Variants in TENM2 observed in about 807,000 individuals in gnomAD.
The protein encoded by TENM2 is teneurin-2.
Under a neutral mutation model 245.2 loss-of-function variants are expected in TENM2, and 52 were observed. That is an observed-to-expected ratio of 0.21 (90% CI 0.17 to 0.27). The LOEUF is 0.27. Ranked by LOEUF, TENM2 falls within the 10% of genes least tolerant of loss-of-function variation. The probability of loss-of-function intolerance (pLI) is 1.00; values close to 1 mark genes in which losing one functional copy is unlikely to be tolerated. For synonymous variants in TENM2, 1,363 were observed against 1,438.9 expected (o/e 0.95, Z 1.19); for missense variants, 3,046 against 3,666.8 (o/e 0.83, Z 4.37).
chr5:167,481,273 C>T (rs1458202821), intron 2 of TENM2, among the ~76,000 whole-genome samples: 1 of 152,166 alleles, frequency 6.6e-6, no homozygotes, highest in Non-Finnish European at 1.5e-5. Flanking sequence ...TGGCCTGCTG[C>T]CTGTTCCTGT....
intron 3 of TENM2, among the ~76,000 whole-genome samples, chr5:167,934,357 C>T (rs1041733883): frequency 2.2e-4 from 33 of 152,214 alleles, no homozygotes; most frequent in African/African-American, 8.0e-4. Context: ...TAAGACATCC[C>T]TCCTCCTAGA....
chr5:168,010,003 T>C (rs1244671556), intron 5 of TENM2, among the ~76,000 whole-genome samples: 1 of 152,206 alleles, frequency 6.6e-6, no homozygotes, highest in African/African-American at 2.4e-5. Flanking sequence ...AATACCGTGA[T>C]ACTGTGATGA....
At chr5:167,990,387 C>T (rs1450467021) in intron 4 of TENM2, among the ~76,000 whole-genome samples, 4 of 152,066 alleles carry the variant, frequency 2.6e-5, no homozygotes, top group Non-Finnish European at 4.4e-5. Context: ...TGGGACACAC[C>T]TTGGTTAAGT....
the TENM2 span, among the ~76,000 whole-genome samples, chr5:167,161,629 T>G: frequency 2.6e-5 from 4 of 152,238 alleles, no homozygotes; most frequent in African/African-American, 9.6e-5. Flanking sequence ...CGCTTCAGTA[T>G]GCATTAAAAA....
chr5:167,972,872 A>G (rs568252676), intron 4 of TENM2, among the ~76,000 whole-genome samples: 22 of 152,326 alleles, frequency 1.4e-4, no homozygotes, highest in African/African-American at 5.3e-4. Flanking sequence ...AGTATGAGAA[A>G]CAGACATAGC....
chr5:167,276,775 G>C, the TENM2 span, among the ~76,000 whole-genome samples: 1 of 151,952 alleles, frequency 6.6e-6, no homozygotes, highest in Non-Finnish European at 1.5e-5. Context: ...TTGTTATACT[G>C]TATTGATTTT....
rs879494722 is a variant in TENM2, at chr5:168,238,304, A to AAAAG, written c.5521-6115_5521-6114insAAGA. Among the ~76,000 whole-genome samples the AAAAG allele has an allele frequency of 3.9e-3, 421 of 107,372 alleles. 9 individuals carry two copies. Among genetic ancestry groups the AAAAG allele is most frequent in the African/African-American group, 7.0e-3 (174 of 24,818 alleles). The allele number at this position is 107,372 out of a possible 152,430, so 70.4% of individuals were successfully genotyped here. A position where few individuals can be genotyped will look rare whatever the true frequency, so the allele number is the denominator to read the frequency against. On this transcript the variant is annotated intron_variant, in intron 25 of 28. Coordinates refer to ENST00000518659, the Ensembl canonical transcript of TENM2. ...GAAAAGAAAAGAAAAGAAAAGAAAAAATCCCAGAAGACTGACCCGGAAAGA... is the reference window on the plus strand; with the variant it reads ...GAAAAGAAAAGAAAAGAAAAGAAAAAAAAGATCCCAGAAGACTGACCCGGAAAGA...
In TENM2 at chr5:167,350,927, TGGATATATATATG is replaced by T. The variant is rs1177784865; in HGVS notation, c.227-24261_227-24249del. 2.5e-5 allele frequency among the ~76,000 whole-genome samples: 2 copies of T among 80,004 alleles called. 1 individual carries two copies. Among genetic ancestry groups the T allele is most frequent in the Non-Finnish European group, 5.5e-5 (2 of 36,580 alleles). The allele number at this position is 80,004 out of a possible 152,430, so 52.5% of individuals were successfully genotyped here. On this transcript the variant is annotated intron_variant, in intron 1 of 28. Transcript: ENST00000518659. ...GATATATATATGGGATATATACATA[TGGATATATATATG>T]GGATATATACATATGGATATATATA...
intron 3 of TENM2, among the ~76,000 whole-genome samples, chr5:167,904,673 CCTGTGTCTGT>C (rs1274207645): frequency 1.3e-5 from 2 of 152,074 alleles, no homozygotes; most frequent in Admixed American, 1.3e-4. Flanking sequence ...CTCATTTCCC[CCTGTGTCTGT>C]CTTGTATTCA....
intron 7 of TENM2, among the ~76,000 whole-genome samples, chr5:168,077,229 G>A (rs1338469190): frequency 6.6e-6 from 1 of 152,086 alleles, no homozygotes; most frequent in Non-Finnish European, 1.5e-5. Context: ...ATTTCCAAAA[G>A]GCATTTCCTG....
At chr5:167,681,750 C>T (rs1313210227) in intron 2 of TENM2, among the ~76,000 whole-genome samples, 1 of 152,110 alleles carries the variant, frequency 6.6e-6, no homozygotes, top group Non-Finnish European at 1.5e-5. Context: ...TGTTATCCCA[C>T]CATTAGTGTA....
chr5:168,157,479 A>C (rs906994763), intron 12 of TENM2, among the ~76,000 whole-genome samples: 1 of 152,102 alleles, frequency 6.6e-6, no homozygotes, highest in Non-Finnish European at 1.5e-5. Context: ...TGGACCAAAG[A>C]TGAGGGTGGC....
chr5:167,318,334 TGAG>T lies in TENM2; in HGVS notation c.226+33275_226+33277del, dbSNP rs367727468. Among the ~76,000 whole-genome samples, 577 of 152,042 alleles carry T rather than the reference TGAG, an allele frequency of 3.8e-3. 3 individuals carry two copies. Among genetic ancestry groups the T allele is most frequent in the African/African-American group, 0.012 (504 of 41,474 alleles). On this transcript the variant is annotated intron_variant, in intron 1 of 28. Transcript: ENST00000518659. Reference sequence around the variant, plus strand: ...TTAAATATGATTCATGTTAGAAAAATGAGGAGCACAGTGCACTAGACATACAAG... The same window carrying T: ...TTAAATATGATTCATGTTAGAAAAATGAGCACAGTGCACTAGACATACAAG...
chr5:167,451,656 T>C (rs1765591050), intron 2 of TENM2, among the ~76,000 whole-genome samples: 1 of 152,052 alleles, frequency 6.6e-6, no homozygotes, highest in South Asian at 2.1e-4. Context: ...CTGATTTTTT[T>C]TTTTTTTCTT....
At chr5:168,047,121 A>T (rs1260422002) in intron 5 of TENM2, among the ~76,000 whole-genome samples, 1 of 152,172 alleles carries the variant, frequency 6.6e-6, no homozygotes, top group African/African-American at 2.4e-5. Context: ...GTGATTCGAA[A>T]GGGCCATTTT....
intron 2 of TENM2, among the ~76,000 whole-genome samples, chr5:167,594,427 G>A (rs1776067281): frequency 6.6e-6 from 1 of 152,150 alleles, no homozygotes; most frequent in African/African-American, 2.4e-5. Flanking sequence ...AGCTGAATAT[G>A]GCTCTAGAAA....
At chr5:167,312,981 C>A (rs978359945) in intron 1 of TENM2, among the ~76,000 whole-genome samples, 4 of 150,906 alleles carry the variant, frequency 2.7e-5, no homozygotes, top group Admixed American at 1.3e-4. Flanking sequence ...CAGCTCACTG[C>A]AACCTCTGCT....
chr5:167,823,563 C>T (rs1039583679), intron 2 of TENM2, among the ~76,000 whole-genome samples: 1 of 152,142 alleles, frequency 6.6e-6, no homozygotes, highest in Admixed American at 6.5e-5. Flanking sequence ...TTTGTGATGA[C>T]AGGAGTGCGA....
At chr5:167,662,636 T>C (rs138381327) in intron 2 of TENM2, among the ~76,000 whole-genome samples, 1 of 152,360 alleles carries the variant, frequency 6.6e-6, no homozygotes, top group East Asian at 1.9e-4. Context: ...AAACTTATTA[T>C]CATTTGATGC....
Sources: allele counts gnomAD v4.1 joint callset (sites outside exome capture counted in the v4.1 genomes callset), GRCh38; gene constraint gnomAD v4.1.1; transcripts MANE v1.5; gene names NCBI Gene and HGNC (gene_info 2026-07-23, HGNC 2026-07-21).